Variants in CHODL observed in about 807,000 individuals in gnomAD.
The protein encoded by CHODL is transmembrane protein MT75.
A neutral mutation model predicts 34.5 loss-of-function variants in CHODL; 29 were observed. That is an observed-to-expected ratio of 0.84 (90% CI 0.63 to 1.15). The LOEUF (loss-of-function observed/expected upper bound fraction) is 1.15, where lower values mean the gene tolerates loss of function less well. Ranked by LOEUF, CHODL falls within the 50% of genes most tolerant of loss-of-function variation. The pLI is 0.00. For missense variants in CHODL, 332 were observed against 332.5 expected (o/e 1.00, Z 0.01); for synonymous variants, 125 against 116.1 (o/e 1.08, Z -0.49).
chr21:18,197,415 A>T lies in CHODL; in HGVS notation c.-44-59094A>T, dbSNP rs150707285. 4.3e-3 allele frequency among the ~76,000 whole-genome samples: 649 copies of T among 152,300 alleles called. 3 individuals carry two copies. Among genetic ancestry groups the T allele is most frequent in the Non-Finnish European group, 6.9e-3 (471 of 68,032 alleles). On this transcript the variant is annotated intron_variant, in intron 2 of 6. Transcript: ENST00000400127. Reference sequence around the variant, plus strand: ...CACTTGAGGTCAGGAGTTCGAGACCAACCTGGCCAACATGGTGAAACCCTG... The same window carrying T: ...CACTTGAGGTCAGGAGTTCGAGACCTACCTGGCCAACATGGTGAAACCCTG...
intron 2 of CHODL, among the ~76,000 whole-genome samples, chr21:18,136,628 CACACACATAT>C (rs1457065676): frequency 6.6e-6 from 1 of 150,464 alleles, no homozygotes; most frequent in Non-Finnish European, 1.5e-5. Flanking sequence ...TGTGCGTGCG[CACACACATAT>C]ACACGTTGGG....
At chr21:18,235,688 A>G (rs60630713) in intron 2 of CHODL, among the ~76,000 whole-genome samples, 5,422 of 152,234 alleles carry the variant, frequency 0.036, 323 homozygotes, top group African/African-American at 0.12. Context: ...ATAATAAATT[A>G]CGTGTTCCAA....
rs368940962 is a variant in CHODL, at chr21:18,237,043, TA to T, written c.-44-19460del. ...TTGGAGAAGAAATATGCTGTGGTTT[TA>T]AAAAATCAGAGCAAGAAAATTATTT... On this transcript the variant is annotated intron_variant, in intron 2 of 6. Coordinates refer to the CHODL transcript ENST00000400127. Among the ~76,000 whole-genome samples, 144 of 152,230 alleles carry T rather than the reference TA, an allele frequency of 9.5e-4. 3 individuals carry two copies. The East Asian group carries it at 0.025, about 26-fold the overall frequency.
At chr21:18,174,563 G>C (rs2073283475) in intron 2 of CHODL, among the ~76,000 whole-genome samples, 1 of 152,002 alleles carries the variant, frequency 6.6e-6, no homozygotes, top group Non-Finnish European at 1.5e-5. Flanking sequence ...TACAATTATT[G>C]CTGACAGGGC....
chr21:18,251,771 A>T (rs975859377), intron 1 of CHODL, among the ~76,000 whole-genome samples: 3 of 143,302 alleles, frequency 2.1e-5, no homozygotes, highest in South Asian at 4.3e-4. Flanking sequence ...ATATAAAATA[A>T]ATATTTATAT....
chr21:17,974,748 G>A (rs1308702468), intron 1 of CHODL, among the ~76,000 whole-genome samples: 1 of 151,618 alleles, frequency 6.6e-6, no homozygotes, highest in Non-Finnish European at 1.5e-5. Context: ...TAGTTAAACA[G>A]TACATCAAAG....
intron 4 of CHODL, among the ~76,000 whole-genome samples, chr21:18,261,707 T>C (rs1275162165): frequency 6.6e-6 from 1 of 152,116 alleles, no homozygotes; most frequent in Admixed American, 6.6e-5. Flanking sequence ...TAGAAATACT[T>C]TTTTCTCTTT....
At chr21:17,983,136 G>A (rs1411186115) in intron 1 of CHODL, among the ~76,000 whole-genome samples, 1 of 152,034 alleles carries the variant, frequency 6.6e-6, no homozygotes, top group Non-Finnish European at 1.5e-5. Context: ...ATCACAATAT[G>A]CATACTCTTT....
intron 2 of CHODL, among the ~76,000 whole-genome samples, chr21:18,073,191 GACAAA>G: frequency 6.6e-6 from 1 of 152,062 alleles, no homozygotes; most frequent in East Asian, 1.9e-4. Flanking sequence ...TTTTGAAATA[GACAAA>G]ACGTTAGCAA....
At chr21:18,254,175 A>C (rs2074289338) in intron 1 of CHODL, among the ~76,000 whole-genome samples, 2 of 149,522 alleles carry the variant, frequency 1.3e-5, no homozygotes, top group South Asian at 2.1e-4. Flanking sequence ...AATCTCCCCC[A>C]CCCCCAGAAA....
chr21:17,925,780 A>G (rs1358571850), intron 1 of CHODL, among the ~76,000 whole-genome samples: 1 of 152,202 alleles, frequency 6.6e-6, no homozygotes, highest in Non-Finnish European at 1.5e-5. Flanking sequence ...ACACTTTCTG[A>G]GTTCCTTTGA....
intron 2 of CHODL, among the ~76,000 whole-genome samples, chr21:18,154,738 T>A (rs1568914170): frequency 6.6e-6 from 1 of 152,232 alleles, no homozygotes. Flanking sequence ...CTACCACAGC[T>A]TCCTAAAATT....
At chr21:18,221,109 G>A (rs925011686) in intron 2 of CHODL, among the ~76,000 whole-genome samples, 1 of 151,748 alleles carries the variant, frequency 6.6e-6, no homozygotes, top group Non-Finnish European at 1.5e-5. Flanking sequence ...TAGTCTAATT[G>A]GATTATTCCA....
chr21:18,192,468 A>C (rs185906539), intron 2 of CHODL, among the ~76,000 whole-genome samples: 1 of 152,230 alleles, frequency 6.6e-6, no homozygotes. Context: ...CAAAATAAAC[A>C]TAAGTTTCGC....
rs144365214 is a variant in CHODL, at chr21:18,256,755, G to A, written c.326G>A (p.Gly109Glu). ...FWIGLWRNGD[G>E]QTSGACPDLY... ...ATAGGGCTTTGGAGGAATGGAGATG[G>A]GCAAACATCTGGTGCCTGCCCAGAT... The change falls in exon 2 of 6, where the codon GGG becomes GAG. Residue 109 changes from glycine to glutamate, a missense_variant. Coordinates refer to ENST00000299295, the MANE Select transcript of CHODL (RefSeq NM_024944.3). 3 of 1,613,930 alleles carry A rather than the reference G, an allele frequency of 1.9e-6. No homozygotes were observed. Among genetic ancestry groups the A allele is most frequent in the African/African-American group, 1.3e-5 (1 of 74,896 alleles).
chr21:18,148,598 C>T (rs1450326588), intron 2 of CHODL, among the ~76,000 whole-genome samples: 1 of 152,072 alleles, frequency 6.6e-6, no homozygotes, highest in Non-Finnish European at 1.5e-5. Context: ...TGTGAGGTCA[C>T]ATAAGCCAGC....
At chr21:18,095,692 C>G (rs1230247121) in intron 2 of CHODL, among the ~76,000 whole-genome samples, 5 of 152,116 alleles carry the variant, frequency 3.3e-5, no homozygotes, top group Non-Finnish European at 5.9e-5. Context: ...GCAGACAAGA[C>G]AGATTCAAAA....
At chr21:18,253,282 T>G (rs2074279330) in intron 1 of CHODL, among the ~76,000 whole-genome samples, 1 of 152,090 alleles carries the variant, frequency 6.6e-6, no homozygotes, top group African/African-American at 2.4e-5. Context: ...TAACAAACTT[T>G]TTACTCACTG....
chr21:18,108,057 C>T (rs9982030), intron 2 of CHODL, among the ~76,000 whole-genome samples: 2,453 of 152,214 alleles, frequency 0.016, 50 homozygotes, highest in African/African-American at 0.05. Flanking sequence ...TGTGAACTTC[C>T]TGATTTCCAT....
Sources: gnomAD v4.1 joint callset for allele counts (sites outside exome capture counted in the v4.1 genomes callset) on GRCh38, gnomAD v4.1.1 for gene constraint, MANE v1.5 for transcripts, NCBI Gene and HGNC (gene_info 2026-07-23, HGNC 2026-07-21) for gene names.